ITPR3: variants seen among roughly 807,000 people sequenced by gnomAD.
The protein encoded by ITPR3 is inositol 1,4,5-trisphosphate-gated calcium channel ITPR3.
Under a neutral mutation model 293.2 loss-of-function variants are expected in ITPR3, and 173 were observed. The ratio of observed to expected loss-of-function variants is 0.59; its 90% CI spans 0.52 to 0.67. The LOEUF (loss-of-function observed/expected upper bound fraction) is 0.67, where lower values mean the gene tolerates loss of function less well. Ranked by LOEUF, ITPR3 falls within the 30% of genes least tolerant of loss-of-function variation. ITPR3 has a pLI of 0.00. For synonymous variants in ITPR3, 1,295 were observed against 1,444.4 expected (o/e 0.90, Z 2.35); for missense variants, 2,796 against 3,592.1 (o/e 0.78, Z 5.66).
intron 8 of ITPR3, 97 bp downstream of exon 8, chr6:33,662,771 C>A: frequency 1.3e-6 from 2 of 1,524,164 alleles, no homozygotes; most frequent in South Asian, 2.5e-5. Context: ...TGACCCCTAC[C>A]TCCCTCTGAG....
At chr6:33,680,980 C>A (rs948457167) in intron 33 of ITPR3, among the ~76,000 whole-genome samples, 2 of 152,008 alleles carry the variant, frequency 1.3e-5, no homozygotes, top group African/African-American at 4.8e-5. Context: ...GCCACCACGC[C>A]CAGCTAATTT....
chr6:33,635,793 G>A (rs371201290), intron 1 of ITPR3, among the ~76,000 whole-genome samples: 1 of 152,096 alleles, frequency 6.6e-6, no homozygotes, highest in East Asian at 1.9e-4. Context: ...CTCCCCTGGG[G>A]GATTGAGGAG....
At chr6:33,681,259 G>T (rs760163405) in intron 33 of ITPR3, among the ~76,000 whole-genome samples, 3 of 152,260 alleles carry the variant, frequency 2.0e-5, no homozygotes, top group African/African-American at 7.2e-5. Flanking sequence ...CCTAACTCCA[G>T]TGGGTGGGCG....
At position 33,670,917 on chromosome 6, in the gene ITPR3, C is replaced by G; in HGVS notation, c.2586+102C>G. 1 of 1,449,238 alleles carries G rather than the reference C, an allele frequency of 6.9e-7. No individual in the cohort carries two copies. The highest frequency in any genetic ancestry group is 9.4e-7 in the Non-Finnish European group (1 of 1,066,914). 89.8% of individuals were successfully genotyped at this position (1,449,238 alleles called of 1,614,324 possible). ...GGAGTCGGCTGTGGGATCCATGACC[C>G]CACTTCCTTCTGTGTCCCCAGCCAG... On this transcript the variant is annotated intron_variant, in intron 20 of 57. Coordinates refer to ENST00000605930, the MANE Select transcript of ITPR3 (RefSeq NM_002224.4). The surrounding 1 kb of genome is among the most constrained non-coding windows in gnomAD (Gnocchi z 6.7).
Position 33,672,229 on chromosome 6 carries a change from G to A in ITPR3, c.2928+1G>A. ...GCTGAAGATCCTGGAAATCCTTCAGGTGCCTGGGCCAGGACCGTGTGGGAG... is the reference window on the plus strand; with the variant it reads ...GCTGAAGATCCTGGAAATCCTTCAGATGCCTGGGCCAGGACCGTGTGGGAG... On this transcript the variant is annotated splice_donor_variant, in intron 22 of 57. Coordinates refer to ENST00000605930, the MANE Select transcript of ITPR3 (RefSeq NM_002224.4). LOFTEE classifies it high-confidence loss of function. The surrounding 1 kb of genome is among the most constrained non-coding windows in gnomAD (Gnocchi z 5.0). 6.2e-7 allele frequency: 1 copy of A among 1,613,454 alleles called. No individual in the cohort carries two copies. The highest frequency in any genetic ancestry group is 8.5e-7 in the Non-Finnish European group (1 of 1,179,804).
Position 33,687,009 on chromosome 6 carries a change from G to A in ITPR3, c.5980G>A (p.Asp1994Asn), listed in dbSNP as rs1765249273. 1 of 1,613,706 alleles carries A rather than the reference G, an allele frequency of 6.2e-7. No individual in the cohort carries two copies. Among genetic ancestry groups the A allele is most frequent in the East Asian group, 2.2e-5 (1 of 44,884 alleles). The change falls in exon 44 of 58, where the codon GAC becomes AAC. Residue 1994 changes from aspartate (D) to asparagine (N), a missense_variant and splice_region_variant. Physicochemically the swap from Asp to Asn is conservative, Grantham distance 23. Coordinates refer to ENST00000605930, the MANE Select transcript of ITPR3 (RefSeq NM_002224.4). The surrounding 1 kb of genome is among the most constrained non-coding windows in gnomAD (Gnocchi z 5.3). Reference protein sequence around the residue: ...YRMDLVLQLKDNASKLLLALM... With the variant: ...YRMDLVLQLKNNASKLLLALM... ...TGCCTCCCTCTGCCCCTCCACCCAG[G>A]ACAATGCCTCCAAGCTGCTCCTGGC...
At position 33,684,672 on chromosome 6, in the gene ITPR3, C is replaced by T. The variant is rs530635891; in HGVS notation, c.5121C>T (p.Pro1707=). The T allele has an allele frequency of 1.0e-4, 169 of 1,614,052 alleles. 2 individuals carry two copies. In the South Asian group the frequency reaches 1.4e-3, roughly 13 times the overall value. Residue 1707 remains proline (P), a synonymous_variant, in exon 38 of 58, where the codon CCC becomes CCT. Coordinates refer to ENST00000605930, the MANE Select transcript of ITPR3 (RefSeq NM_002224.4). The surrounding 1 kb of genome is among the most constrained non-coding windows in gnomAD (Gnocchi z 4.2). ...AGTCCACCTCGCGGGGGGACCTTCC[C>T]GACCCCATAGGCACTGGTCAGTATC... ...NRKSTSRGDL[P]DPIGTGLDPD... is the part of the protein sequence containing the mutation.
At chr6:33,639,182 C>G (rs1211113913) in intron 1 of ITPR3, among the ~76,000 whole-genome samples, 1 of 152,036 alleles carries the variant, frequency 6.6e-6, no homozygotes, top group Non-Finnish European at 1.5e-5. Flanking sequence ...AGTTTGAGAC[C>G]AGCCTGGCCA....
rs1397558521 is a variant in ITPR3, at chr6:33,683,533, T to G, written c.4788+136T>G. 10 of 776,932 alleles carry G rather than the reference T, an allele frequency of 1.3e-5. No individual in the cohort carries two copies. Among genetic ancestry groups the G allele is most frequent in the Non-Finnish European group, 2.0e-5 (10 of 508,558 alleles). 48.1% of individuals were successfully genotyped at this position (776,932 alleles called of 1,614,324 possible). ...CACTTCCAGGAAGGGGCTGGTTGGC[T>G]TCTCTACACTCTGGGGCTGCTAAGG... is the stretch of plus-strand genomic sequence containing the variant. On this transcript the variant is annotated intron_variant, in intron 35 of 57. Coordinates refer to ENST00000605930, the MANE Select transcript of ITPR3 (RefSeq NM_002224.4). The surrounding 1 kb of genome is among the most constrained non-coding windows in gnomAD (Gnocchi z 4.5).
rs115566401 is a variant in ITPR3 at position 33,661,030 on chromosome 6, T to A, written c.711+1481T>A. ...CATAGAATTATTTCTGGGGAATCCG[T>A]CATGGCTCCGTGGTTCCAAGGCAGC... On this transcript the variant is annotated intron_variant, in intron 7 of 57. Coordinates refer to ENST00000605930, the MANE Select transcript of ITPR3 (RefSeq NM_002224.4). 7.0e-3 allele frequency among the ~76,000 whole-genome samples: 1,067 copies of A among 152,316 alleles called. 12 individuals are homozygous for A. The highest frequency in any genetic ancestry group is 0.023 in the African/African-American group (961 of 41,574).
In ITPR3 at chr6:33,689,098, A is replaced by T. The variant is rs889795631; in HGVS notation, c.6695-140A>T. The T allele has an allele frequency of 6.0e-6, 6 of 997,574 alleles. No homozygotes were observed. The African/African-American group carries it at 9.7e-5, about 16-fold the overall frequency. The allele number at this position is 997,574 out of a possible 1,614,324, so 61.8% of individuals were successfully genotyped here. A position where few individuals can be genotyped will look rare whatever the true frequency, so the allele number is the denominator to read the frequency against. Reference sequence around the variant, plus strand: ...CGCTTAGGCCTGAGAGGCAGGTGTAATGGAGGAGGCTAAAACCAGGCACCA... The same window carrying T: ...CGCTTAGGCCTGAGAGGCAGGTGTATTGGAGGAGGCTAAAACCAGGCACCA... On this transcript the variant is annotated intron_variant, in intron 49 of 57. Transcript: ENST00000605930.
Position 33,692,569 on chromosome 6 carries a change from C to T in ITPR3, c.7459-159C>T, listed in dbSNP as rs1045128708. Among the ~76,000 whole-genome samples, 1 of 152,054 alleles carries T rather than the reference C, an allele frequency of 6.6e-6. No individual in the cohort carries two copies. The highest frequency in any genetic ancestry group is 2.4e-5 in the African/African-American group (1 of 41,390). On this transcript the variant is annotated intron_variant, in intron 54 of 57. Transcript: ENST00000605930. The surrounding 1 kb of genome is among the most constrained non-coding windows in gnomAD (Gnocchi z 4.2). ...CTTGCTCTGTGGAGCCAGGTTGGGT[C>T]CACTCTGCCATCTGATGGCCCCCAG...
rs1446661914 is a variant in ITPR3, at chr6:33,675,477, CGAGAGATCCCAG to C, written c.3117-209_3117-198del. 6.6e-6 allele frequency among the ~76,000 whole-genome samples: 1 copy of C among 151,992 alleles called. No individual in the cohort carries two copies. Among genetic ancestry groups the C allele is most frequent in the Non-Finnish European group, 1.5e-5 (1 of 67,992 alleles). On this transcript the variant is annotated intron_variant, in intron 24 of 57. Transcript: ENST00000605930. The surrounding 1 kb of genome is among the most constrained non-coding windows in gnomAD (Gnocchi z 5.0). Reference sequence around the variant, plus strand: ...TCAGTTGCTTAATCAAGGGGAGTCCCGAGAGATCCCAGGAGACACGGGTCACTCCGGAGATTC... The same window carrying C: ...TCAGTTGCTTAATCAAGGGGAGTCCCGAGACACGGGTCACTCCGGAGATTC...
chr6:33,675,638 C>T lies in ITPR3; in HGVS notation c.3117-53C>T, dbSNP rs1764884453. The T allele has an allele frequency of 1.3e-6, 2 of 1,527,268 alleles. No homozygotes were observed. Among genetic ancestry groups the T allele is most frequent in the African/African-American group, 2.8e-5 (2 of 72,564 alleles). 94.6% of individuals were successfully genotyped at this position (1,527,268 alleles called of 1,614,324 possible). On this transcript the variant is annotated intron_variant, in intron 24 of 57. Coordinates refer to ENST00000605930, the MANE Select transcript of ITPR3 (RefSeq NM_002224.4). This position sits in a 1 kb window ranked among gnomAD's most constrained non-coding sequence, Gnocchi z 5.0. ...GCCAGGGCCCCTTACCCACCACGGA[C>T]AGCAGGGAGTGTGCCAGTCTCACCC...
intron 2 of ITPR3, among the ~76,000 whole-genome samples, chr6:33,647,185 T>C (rs1351154325): frequency 6.6e-6 from 1 of 152,076 alleles, no homozygotes; most frequent in African/African-American, 2.4e-5. Flanking sequence ...CATGCTTGGC[T>C]AATTTATTTA....
In ITPR3 at chr6:33,674,393, C is replaced by T. The variant is rs192209555; in HGVS notation, c.3116+128C>T. ...TGCCATTCCCTCTGCAGACCCTCAC[C>T]GGGCTTTGTGCTCAGCCCCTCCCCT... is the stretch of plus-strand genomic sequence containing the variant. On this transcript the variant is annotated intron_variant, in intron 24 of 57. Coordinates refer to ENST00000605930, the MANE Select transcript of ITPR3 (RefSeq NM_002224.4). 408 of 855,966 alleles carry T rather than the reference C, an allele frequency of 4.8e-4. 1 individual carries two copies. The highest frequency in any genetic ancestry group is 1.5e-3 in the African/African-American group (88 of 59,872). 53.0% of individuals were successfully genotyped at this position (855,966 alleles called of 1,614,324 possible). A position where few individuals can be genotyped will look rare whatever the true frequency, so the allele number is the denominator to read the frequency against.
chr6:33,662,481 GC>G, intron 7 of ITPR3, 46 bp from the exon 8 acceptor site: 1 of 1,536,978 alleles, frequency 6.5e-7, no homozygotes. Flanking sequence ...GGGTCCTTGA[GC>G]CTGGAGGGGC....
chr6:33,695,754 G>C lies in ITPR3; in HGVS notation c.7990G>C (p.Asp2664His). 5 of 1,614,176 alleles carry C rather than the reference G, an allele frequency of 3.1e-6. No individual in the cohort carries two copies. The highest frequency in any genetic ancestry group is 4.2e-6 in the Non-Finnish European group (5 of 1,180,036). Residue 2664 changes from aspartate to histidine, a missense_variant, in exon 58 of 58, where the codon GAT becomes CAT. Physicochemically the swap from Asp to His is moderately conservative, Grantham distance 81. Around this residue, in one of 8 missense-constraint regions of ITPR3, gnomAD observed 568 missense variants for 796.1 expected, o/e 0.71. Coordinates refer to ENST00000605930, the MANE Select transcript of ITPR3 (RefSeq NM_002224.4). ...RKRRQRLGFV[D>H]VQNCISR Reference sequence around the variant, plus strand: ...ACGCAGGCAACGCCTAGGCTTTGTGGATGTCCAGAACTGCATTAGCCGCTG... The same window carrying C: ...ACGCAGGCAACGCCTAGGCTTTGTGCATGTCCAGAACTGCATTAGCCGCTG...
intron 33 of ITPR3, among the ~76,000 whole-genome samples, chr6:33,681,426 CCTT>C (rs2127300005): frequency 6.6e-6 from 1 of 152,314 alleles, no homozygotes; most frequent in South Asian, 2.1e-4. Flanking sequence ...AGGCAGGCAG[CCTT>C]CTGAAGGCCT....
Sources: allele counts gnomAD v4.1 joint callset (sites outside exome capture counted in the v4.1 genomes callset), GRCh38; gene constraint gnomAD v4.1.1; regional missense constraint gnomAD v4.1.1; non-coding constraint Gnocchi (gnomAD v3.1); transcripts MANE v1.5; gene names NCBI Gene and HGNC (gene_info 2026-07-23, HGNC 2026-07-21).